FANCC: variants seen among roughly 807,000 people sequenced by gnomAD.
FANCC encodes Fanconi anemia group C protein.
A neutral mutation model predicts 71.3 loss-of-function variants in FANCC; 55 were observed. The observed-to-expected ratio is 0.77, with a 90% CI of 0.62 to 0.97. FANCC has a LOEUF of 0.97. Among genes scored for constraint, FANCC ranks in the 50% least tolerant of loss-of-function variants. The pLI is 0.00. For missense variants in FANCC, 678 were observed against 670.9 expected (o/e 1.01, Z -0.12); for synonymous variants, 275 against 244.9 (o/e 1.12, Z -1.15).
At chr9:95,168,135 G>A (rs1040999392) in intron 6 of FANCC, among the ~76,000 whole-genome samples, 1 of 152,246 alleles carries the variant, frequency 6.6e-6, no homozygotes, top group African/African-American at 2.4e-5. Flanking sequence ...TTGTGGTATT[G>A]CAGATTCTCC....
intron 1 of FANCC, chr9:95,292,514 G>A (rs1252790810): frequency 5.4e-6 from 8 of 1,476,802 alleles, no homozygotes; most frequent in South Asian, 2.6e-5. Context: ...AGCAGCCCGC[G>A]GCCTCCGTGC....
Position 95,101,636 on chromosome 9 carries a change from G to C in FANCC, c.*71C>G. 6.3e-7 allele frequency: 1 copy of C among 1,596,550 alleles called. No homozygotes were observed. Among genetic ancestry groups the C allele is most frequent in the Admixed American group, 1.7e-5 (1 of 59,504 alleles). ...TTACTCCACAAATGCGTGGCCACAG[G>C]TCATCACCTGTCCTGTGGCCCTGGC... On this transcript the variant is annotated 3_prime_UTR_variant, in exon 15 of 15. Coordinates refer to ENST00000289081, the MANE Select transcript of FANCC (RefSeq NM_000136.3).
At chr9:95,285,152 T>G (rs1833616215) in intron 1 of FANCC, among the ~76,000 whole-genome samples, 1 of 151,410 alleles carries the variant, frequency 6.6e-6, no homozygotes, top group African/African-American at 2.4e-5. Flanking sequence ...GAGAAAGAAA[T>G]AATTTATTTC....
chr9:95,103,452 C>G (rs1035754341), intron 14 of FANCC, among the ~76,000 whole-genome samples: 10 of 152,190 alleles, frequency 6.6e-5, no homozygotes, highest in Middle Eastern at 3.2e-3. Context: ...TGCTGTGGCC[C>G]AGCAGCAGGA....
intron 6 of FANCC, among the ~76,000 whole-genome samples, chr9:95,159,320 A>G (rs543092755): frequency 6.6e-6 from 1 of 152,296 alleles, no homozygotes; most frequent in South Asian, 2.1e-4. Context: ...GCTCAGAATG[A>G]TGGTTTCCAG....
chr9:95,250,730 A>G (rs1002099211), intron 1 of FANCC, among the ~76,000 whole-genome samples: 1 of 152,224 alleles, frequency 6.6e-6, no homozygotes, highest in African/African-American at 2.4e-5. Flanking sequence ...ATCCGACTTG[A>G]CTGCATGCAC....
intron 1 of FANCC, among the ~76,000 whole-genome samples, chr9:95,301,395 CTA>C (rs1490003521): frequency 1.3e-5 from 2 of 151,988 alleles, no homozygotes; most frequent in Admixed American, 6.6e-5. Flanking sequence ...AGTGCTGGTG[CTA>C]TGAGGGATTT....
chr9:95,171,158 C>T lies in FANCC; in HGVS notation c.457-15G>A. ...GATAAAACCATCTGTAAAACAAAAT[C>T]AGTTGCAGGTTAACTCACGCTGCAA... On this transcript the variant is annotated splice_polypyrimidine_tract_variant and intron_variant, in intron 5 of 14. Transcript: ENST00000289081. 1 of 1,605,996 alleles carries T rather than the reference C, an allele frequency of 6.2e-7. No individual in the cohort carries two copies. Among genetic ancestry groups the T allele is most frequent in the Non-Finnish European group, 8.5e-7 (1 of 1,172,958 alleles).
At chr9:95,114,448 G>A in intron 12 of FANCC, 181 bp downstream of exon 12, 1 of 702,164 alleles carries the variant, frequency 1.4e-6, no homozygotes, top group Non-Finnish European at 2.6e-6. Context: ...ATCCTGACCT[G>A]CTCCAAGCCA....
chr9:95,123,283 G>A (rs1001333532), intron 10 of FANCC: 3 of 284,030 alleles, frequency 1.1e-5, no homozygotes, highest in Non-Finnish European at 2.0e-5. Flanking sequence ...CAGCCTTGGT[G>A]GCAGAGTAAG....
intron 4 of FANCC, among the ~76,000 whole-genome samples, chr9:95,220,438 A>C (rs1284515370): frequency 1.3e-5 from 2 of 152,246 alleles, no homozygotes; most frequent in Non-Finnish European, 2.9e-5. Flanking sequence ...CCGCAGCACT[A>C]TTCACAATAG....
At chr9:95,205,845 C>T (rs1348776891) in intron 4 of FANCC, among the ~76,000 whole-genome samples, 3 of 152,068 alleles carry the variant, frequency 2.0e-5, no homozygotes, top group Non-Finnish European at 2.9e-5. Flanking sequence ...AAAAACTTTG[C>T]AGATGACTCA....
At chr9:95,227,820 T>C (rs1434478593) in intron 4 of FANCC, among the ~76,000 whole-genome samples, 1 of 152,216 alleles carries the variant, frequency 6.6e-6, no homozygotes, top group Non-Finnish European at 1.5e-5. Flanking sequence ...CTTCTTATCA[T>C]TAGCAAGAAG....
chr9:95,134,557 G>C (rs1827372247), intron 8 of FANCC, among the ~76,000 whole-genome samples: 1 of 152,226 alleles, frequency 6.6e-6, no homozygotes, highest in African/African-American at 2.4e-5. Context: ...AAGGGAAAAA[G>C]GGCAGAGTTC....
rs750563058 is a variant in FANCC, at chr9:95,107,300, T to C, written c.1330-31A>G. 22 of 1,604,566 alleles carry C rather than the reference T, an allele frequency of 1.4e-5. No homozygotes were observed. The East Asian group carries it at 4.5e-4, about 33-fold the overall frequency. ...CAATAGTATTTCACAGGGGAGAGGT[T>C]AGGAAGAGGCAGGACAGACATACTT... On this transcript the variant is annotated intron_variant, in intron 13 of 14. Coordinates refer to ENST00000289081, the MANE Select transcript of FANCC (RefSeq NM_000136.3).
intron 10 of FANCC, chr9:95,123,817 C>T: frequency 1.5e-6 from 1 of 682,728 alleles, no homozygotes; most frequent in Non-Finnish European, 2.7e-6. Context: ...CACCCCTACT[C>T]CAATTTAGAC....
chr9:95,165,878 G>A (rs1203760058), intron 6 of FANCC, among the ~76,000 whole-genome samples: 1 of 151,982 alleles, frequency 6.6e-6, no homozygotes, highest in East Asian at 1.9e-4. Flanking sequence ...GTGGGGTGGT[G>A]AAATCTATTA....
intron 1 of FANCC, among the ~76,000 whole-genome samples, chr9:95,300,163 G>A (rs1020367458): frequency 1.3e-5 from 2 of 152,118 alleles, no homozygotes; most frequent in Non-Finnish European, 2.9e-5. Flanking sequence ...AGCAAGTATC[G>A]TATTTACCCC....
At chr9:95,165,517 C>T (rs1831017017) in intron 6 of FANCC, among the ~76,000 whole-genome samples, 2 of 151,878 alleles carry the variant, frequency 1.3e-5, no homozygotes, top group South Asian at 4.1e-4. Context: ...AAGTTATTGT[C>T]TGTGTTTCTT....
Sources: gnomAD v4.1 joint callset for allele counts (sites outside exome capture counted in the v4.1 genomes callset) on GRCh38, gnomAD v4.1.1 for gene constraint, MANE v1.5 for transcripts, NCBI Gene and HGNC (gene_info 2026-07-23, HGNC 2026-07-21) for gene names.